LCP1: variants seen among roughly 807,000 people sequenced by gnomAD.
LCP1 encodes the protein plastin-2.
In LCP1, 23 loss-of-function variants were observed where a neutral mutation model predicts 72.0. That is an observed-to-expected ratio of 0.32 (90% CI 0.23 to 0.45). The LOEUF (loss-of-function observed/expected upper bound fraction) is 0.45, where lower values mean the gene tolerates loss of function less well. Ranked by LOEUF, LCP1 falls within the 20% of genes least tolerant of loss-of-function variation. The probability of loss-of-function intolerance (pLI) is 1.00; values close to 1 mark genes in which losing one functional copy is unlikely to be tolerated. For missense variants in LCP1, 571 were observed against 748.3 expected, an observed-to-expected ratio of 0.76 and a Z score of 2.76; for synonymous variants, 245 against 275.4, an observed-to-expected ratio of 0.89 and a Z score of 1.09.
At chr13:46,138,898 C>T (rs2045681264) in intron 13 of LCP1, among the ~76,000 whole-genome samples, 1 of 152,122 alleles carries the variant, frequency 6.6e-6, no homozygotes, top group Non-Finnish European at 1.5e-5. Flanking sequence ...CCACCCGCCT[C>T]GGCCTCCCAA....
chr13:46,136,899 C>T (rs1004795982), intron 13 of LCP1, among the ~76,000 whole-genome samples: 1 of 152,166 alleles, frequency 6.6e-6, no homozygotes, highest in African/African-American at 2.4e-5. Flanking sequence ...TGCAGCCCGG[C>T]GTTGTCCACA....
chr13:46,156,329 A>G, intron 5 of LCP1, 109 bp downstream of exon 5: 1 of 1,264,016 alleles, frequency 7.9e-7, no homozygotes. Context: ...AAAGCCTTCT[A>G]GGTGCAGCTG....
chr13:46,143,606 C>T (rs1156802281), intron 11 of LCP1, among the ~76,000 whole-genome samples: 2 of 152,196 alleles, frequency 1.3e-5, no homozygotes, highest in African/African-American at 4.8e-5. Flanking sequence ...GTGTGACTAG[C>T]TATGCCCTTC....
intron 11 of LCP1, among the ~76,000 whole-genome samples, 192 bp from the exon 12 acceptor site, chr13:46,143,596 G>A (rs942165448): frequency 6.6e-6 from 1 of 152,148 alleles, no homozygotes; most frequent in Non-Finnish European, 1.5e-5. Flanking sequence ...CTCTTCCCAG[G>A]TGTGACTAGC....
At chr13:46,150,814 A>G in intron 8 of LCP1, 122 bp downstream of exon 8, 1 of 1,113,180 alleles carries the variant, frequency 9.0e-7, no homozygotes, top group East Asian at 2.4e-5. Flanking sequence ...CCTCCAAAAC[A>G]GCACCAGACT....
At chr13:46,129,772 A>G (rs2045622594) in intron 15 of LCP1, among the ~76,000 whole-genome samples, 1 of 152,090 alleles carries the variant, frequency 6.6e-6, no homozygotes. Flanking sequence ...TTCGAAATTC[A>G]TATGCTGAAG....
chr13:46,150,720 T>C (rs564693060), intron 8 of LCP1, among the ~76,000 whole-genome samples: 62 of 152,204 alleles, frequency 4.1e-4, no homozygotes, highest in African/African-American at 1.4e-3. Flanking sequence ...GAAACTCCAA[T>C]CGAGACACTG....
At chr13:46,155,968 T>C (rs1375518976) in intron 5 of LCP1, among the ~76,000 whole-genome samples, 1 of 152,222 alleles carries the variant, frequency 6.6e-6, no homozygotes, top group Non-Finnish European at 1.5e-5. Context: ...CCAGGAAAAT[T>C]GTCCTCATTA....
At chr13:46,143,820 ACTT>A (rs2045712873) in intron 11 of LCP1, among the ~76,000 whole-genome samples, 1 of 152,264 alleles carries the variant, frequency 6.6e-6, no homozygotes, top group African/African-American at 2.4e-5. Flanking sequence ...TAATCCCAGC[ACTT>A]TGGGAGACCA....
intron 1 of LCP1, among the ~76,000 whole-genome samples, chr13:46,170,949 A>G (rs1216402739): frequency 6.6e-6 from 1 of 152,236 alleles, no homozygotes; most frequent in Non-Finnish European, 1.5e-5. Flanking sequence ...CTAGATTTCA[A>G]CAGAGCAGTA....
chr13:46,180,702 A>G (rs1473574344), intron 1 of LCP1, among the ~76,000 whole-genome samples: 1 of 152,250 alleles, frequency 6.6e-6, no homozygotes, highest in East Asian at 1.9e-4. Flanking sequence ...TTAACTTTAA[A>G]CAGGGGACCT....
intron 7 of LCP1, among the ~76,000 whole-genome samples, chr13:46,151,475 C>T (rs1051842223): frequency 1.6e-4 from 24 of 152,148 alleles, no homozygotes; most frequent in African/African-American, 5.3e-4. Flanking sequence ...TAACAATGTT[C>T]TCTTGTCTAT....
Position 46,134,250 on chromosome 13 carries a change from C to T in LCP1, c.1503G>A (p.Arg501=), listed in dbSNP as rs1566433582. ...TTTCTTCGAGGATATTCAGTGTATA[C>T]CTGAACAAAATAAAGAATGCTTTCT... ...TLALIWQLMR[R]YTLNILEEIG... is the part of the protein sequence containing the mutation. The change falls in exon 14 of 16, where the codon AGG becomes AGA. Residue 501 remains arginine (R), a splice_region_variant and synonymous_variant. Transcript: ENST00000323076. The T allele has an allele frequency of 6.2e-7, 1 of 1,609,890 alleles. No homozygotes were observed.
intron 1 of LCP1, among the ~76,000 whole-genome samples, chr13:46,179,701 C>T (rs1593969076): frequency 6.6e-6 from 1 of 151,174 alleles, no homozygotes; most frequent in Non-Finnish European, 1.5e-5. Context: ...GAGAATGGAA[C>T]TTTCTGGTGG....
chr13:46,126,186 A>G lies in LCP1; in HGVS notation c.*1405T>C, dbSNP rs28710427. On this transcript the variant is annotated 3_prime_UTR_variant, in exon 16 of 16. Transcript: ENST00000323076. ...CAATGCATTTCAATTGCTTTGAAAAATGGCTAAGTTCCATTACATACCACC... is the reference window on the plus strand; with the variant it reads ...CAATGCATTTCAATTGCTTTGAAAAGTGGCTAAGTTCCATTACATACCACC... 2,255 of 222,204 alleles carry G rather than the reference A, an allele frequency of 0.01. 53 individuals carry two copies. Among genetic ancestry groups the G allele is most frequent in the African/African-American group, 0.044 (1,985 of 44,846 alleles). 13.8% of individuals were successfully genotyped at this position (222,204 alleles called of 1,614,324 possible).
At chr13:46,136,289 C>A (rs775804701) in intron 13 of LCP1, among the ~76,000 whole-genome samples, 3 of 152,180 alleles carry the variant, frequency 2.0e-5, no homozygotes, top group Admixed American at 6.5e-5. Flanking sequence ...ACTTTTCCAG[C>A]TTGCACAGTG....
intron 11 of LCP1, 55 bp downstream of exon 11, chr13:46,144,387 A>G (rs1236519313): frequency 4.9e-5 from 64 of 1,314,800 alleles, no homozygotes; most frequent in Non-Finnish European, 6.7e-5. Context: ...TTGGAATCCT[A>G]TGGCTCTTTT....
intron 14 of LCP1, among the ~76,000 whole-genome samples, chr13:46,133,791 C>A (rs552843392): frequency 1.8e-4 from 28 of 152,038 alleles, no homozygotes; most frequent in Admixed American, 9.2e-4. Context: ...TACGATGCTC[C>A]ATACCTCGCT....
chr13:46,127,998 GTTAAGT>G (rs1282056228), intron 15 of LCP1, among the ~76,000 whole-genome samples: 4 of 124,848 alleles, frequency 3.2e-5, no homozygotes, highest in African/African-American at 8.9e-5. Flanking sequence ...TTTTTTTTAA[GTTAAGT>G]TTTTTTTTTT....
Sources: allele counts gnomAD v4.1 joint callset (sites outside exome capture counted in the v4.1 genomes callset), GRCh38; gene constraint gnomAD v4.1.1; transcripts MANE v1.5; gene names NCBI Gene and HGNC (gene_info 2026-07-23, HGNC 2026-07-21).